Variants in SYNPR observed in about 807,000 individuals in gnomAD.
SYNPR encodes the protein synaptoporin.
SYNPR carries 23 observed loss-of-function variants against 32.9 expected under a neutral mutation model. The ratio of observed to expected loss-of-function variants is 0.70; its 90% CI spans 0.50 to 0.99. The LOEUF is 0.99. Among genes scored for constraint, SYNPR ranks in the 50% least tolerant of loss-of-function variants. The pLI, the probability that SYNPR is intolerant of heterozygous loss-of-function variation, is 0.00. For synonymous variants in SYNPR, 146 were observed against 135.9 expected, an observed-to-expected ratio of 1.07 and a Z score of -0.52; for missense variants, 318 against 349.3, an observed-to-expected ratio of 0.91 and a Z score of 0.71.
chr3:63,465,495 A>T (rs1700659977), intron 2 of SYNPR, among the ~76,000 whole-genome samples: 1 of 152,068 alleles, frequency 6.6e-6, no homozygotes, highest in African/African-American at 2.4e-5. Flanking sequence ...ATATATATTC[A>T]CTTATAGATT....
chr3:63,369,489 T>G (rs2087769617), intron 2 of SYNPR, among the ~76,000 whole-genome samples: 1 of 152,216 alleles, frequency 6.6e-6, no homozygotes, highest in African/African-American at 2.4e-5. Flanking sequence ...ATTAAATGCT[T>G]ATGGCCAAAT....
chr3:63,463,703 C>T (rs1314150344), intron 2 of SYNPR, among the ~76,000 whole-genome samples: 1 of 152,080 alleles, frequency 6.6e-6, no homozygotes, highest in Non-Finnish European at 1.5e-5. Flanking sequence ...AAGTCCATAG[C>T]TTTCAGGAGG....
intron 2 of SYNPR, among the ~76,000 whole-genome samples, chr3:63,369,013 C>A (rs1415932657): frequency 1.3e-5 from 2 of 152,166 alleles, no homozygotes; most frequent in Non-Finnish European, 2.9e-5. Flanking sequence ...GCAAAATTCA[C>A]AATTTGATGT....
At chr3:63,572,972 G>A (rs2106849247) in intron 4 of SYNPR, among the ~76,000 whole-genome samples, 1 of 152,126 alleles carries the variant, frequency 6.6e-6, no homozygotes, top group East Asian at 1.9e-4. Flanking sequence ...GTAATATTAA[G>A]ACAAAAATGT....
chr3:63,522,189 G>T (rs939846868), intron 3 of SYNPR, among the ~76,000 whole-genome samples: 2 of 152,216 alleles, frequency 1.3e-5, no homozygotes, highest in Non-Finnish European at 2.9e-5. Context: ...GTTTGCTGCG[G>T]TTGTTATCAA....
At chr3:63,532,096 T>C (rs1024495852) in intron 3 of SYNPR, among the ~76,000 whole-genome samples, 4 of 152,214 alleles carry the variant, frequency 2.6e-5, no homozygotes, top group Non-Finnish European at 5.9e-5. Flanking sequence ...TCTTGCTCAA[T>C]AGAAGACGAA....
chr3:63,211,783 T>C, the SYNPR span, among the ~76,000 whole-genome samples: 1 of 144,680 alleles, frequency 6.9e-6, no homozygotes, highest in African/African-American at 2.6e-5. Context: ...TATGTATACA[T>C]GTGCCATGCT....
chr3:63,535,067 A>C (rs1412370858), intron 3 of SYNPR, among the ~76,000 whole-genome samples: 1 of 152,160 alleles, frequency 6.6e-6, no homozygotes, highest in East Asian at 1.9e-4. Flanking sequence ...GATCAAACAA[A>C]TTAAGTAACT....
intron 2 of SYNPR, among the ~76,000 whole-genome samples, chr3:63,290,406 A>T (rs1289064878): frequency 6.6e-6 from 1 of 152,164 alleles, no homozygotes; most frequent in African/African-American, 2.4e-5. Context: ...ATGTCTTCTA[A>T]CTCCTAATTC....
At chr3:63,405,085 C>T (rs906802044) in intron 2 of SYNPR, among the ~76,000 whole-genome samples, 11 of 152,236 alleles carry the variant, frequency 7.2e-5, no homozygotes, top group South Asian at 2.1e-4. Flanking sequence ...GATGACATTC[C>T]TAAGGAACAG....
At chr3:63,389,476 C>A (rs555860592) in intron 2 of SYNPR, among the ~76,000 whole-genome samples, 1 of 152,300 alleles carries the variant, frequency 6.6e-6, no homozygotes, top group African/African-American at 2.4e-5. Flanking sequence ...ACCAGTAATT[C>A]CAGCCAGCTC....
intron 2 of SYNPR, among the ~76,000 whole-genome samples, chr3:63,309,017 T>C (rs931665982): frequency 5.3e-5 from 8 of 152,116 alleles, no homozygotes; most frequent in African/African-American, 1.9e-4. Context: ...AGATCACTGA[T>C]GCGCTGTTCA....
intron 3 of SYNPR, among the ~76,000 whole-genome samples, chr3:63,506,554 T>C (rs1027371313): frequency 6.6e-6 from 1 of 152,174 alleles, no homozygotes; most frequent in African/African-American, 2.4e-5. Flanking sequence ...CCCTTTATGA[T>C]GTACGTTGAA....
At chr3:63,354,669 T>C (rs77503177) in intron 2 of SYNPR, among the ~76,000 whole-genome samples, 2,720 of 152,298 alleles carry the variant, frequency 0.018, 92 homozygotes, top group African/African-American at 0.063. Context: ...AATATATTAA[T>C]GTATGTTGTG....
chr3:63,558,846 G>A (rs1702635921), intron 4 of SYNPR, among the ~76,000 whole-genome samples: 1 of 149,500 alleles, frequency 6.7e-6, no homozygotes. Flanking sequence ...TTAATAATAT[G>A]CTTTCCAGAA....
chr3:63,564,179 G>C (rs962242549), intron 4 of SYNPR, among the ~76,000 whole-genome samples: 1 of 148,318 alleles, frequency 6.7e-6, no homozygotes, highest in Admixed American at 6.7e-5. Context: ...GGTGGGTGGG[G>C]TGTGTGTGTG....
intron 3 of SYNPR, among the ~76,000 whole-genome samples, chr3:63,498,994 A>C (rs1035557049): frequency 2.6e-5 from 4 of 151,670 alleles, no homozygotes; most frequent in Non-Finnish European, 4.4e-5. Flanking sequence ...AAAACTACAC[A>C]AGTGCCATGA....
chr3:63,550,139 A>G (rs1702475651), intron 3 of SYNPR: 1 of 152,060 alleles, frequency 6.6e-6, no homozygotes, highest in Admixed American at 6.6e-5. Flanking sequence ...ACAGCTACAA[A>G]ACACATGCTG....
At chr3:63,208,310 T>A in the SYNPR span, among the ~76,000 whole-genome samples, 1 of 152,186 alleles carries the variant, frequency 6.6e-6, no homozygotes, top group African/African-American at 2.4e-5. Flanking sequence ...AAAGATTAAC[T>A]GCTCTGCCTC....
Sources: gnomAD v4.1 joint callset for allele counts (sites outside exome capture counted in the v4.1 genomes callset) on GRCh38, gnomAD v4.1.1 for gene constraint, MANE v1.5 for transcripts, NCBI Gene and HGNC (gene_info 2026-07-23, HGNC 2026-07-21) for gene names.